Variants in POSTN observed in about 807,000 individuals in gnomAD.
POSTN encodes periostin.
POSTN carries 71 observed loss-of-function variants against 104.5 expected under a neutral mutation model. The ratio of observed to expected loss-of-function variants is 0.68; its 90% CI spans 0.56 to 0.83. The LOEUF is 0.83. POSTN is among the 40% of genes least tolerant of loss of function. The pLI is 0.00. For missense variants in POSTN, 949 were observed against 1,006.8 expected, an observed-to-expected ratio of 0.94 and a Z score of 0.78; for synonymous variants, 355 against 340.7, an observed-to-expected ratio of 1.04 and a Z score of -0.46.
rs1174224201 is a variant in POSTN at position 37,575,239 on chromosome 13, G to A, written c.2009-587C>T. On this transcript the variant is annotated intron_variant, in intron 16 of 22. Transcript: ENST00000379747. ...GATATGATCAGTATTTAAGTTATAG[G>A]CTAAAATGTCTTTAATTTTCAGCTT... Among the ~76,000 whole-genome samples the A allele has an allele frequency of 2.6e-5, 4 of 151,292 alleles. No homozygotes were observed. The East Asian group carries it at 5.8e-4, about 22-fold the overall frequency.
At chr13:37,569,199 TTA>T (rs200515217) in intron 21 of POSTN, 99 bp downstream of exon 21, 1 of 755,852 alleles carries the variant, frequency 1.3e-6, no homozygotes, top group African/African-American at 1.8e-5. Flanking sequence ...TTTTTTTTTT[TTA>T]ACCCAATTAA....
At chr13:37,597,495 T>A (rs1951119001) in intron 1 of POSTN, among the ~76,000 whole-genome samples, 1 of 151,914 alleles carries the variant, frequency 6.6e-6, no homozygotes, top group South Asian at 2.1e-4. Context: ...GAGAGAAAAA[T>A]TATACATTTC....
Position 37,569,832 on chromosome 13 carries a change from G to A in POSTN, c.2270-11C>T. Reference sequence around the variant, plus strand: ...ATTTTATTTCAGGACCTATGAGAAGGACAATGAAAAAGGTCTAAAACAGAA... The same window carrying A: ...ATTTTATTTCAGGACCTATGAGAAGAACAATGAAAAAGGTCTAAAACAGAA... On this transcript the variant is annotated splice_polypyrimidine_tract_variant and intron_variant, in intron 19 of 22. Transcript: ENST00000379747. 6.4e-7 allele frequency: 1 copy of A among 1,574,498 alleles called. No individual in the cohort carries two copies. The highest frequency in any genetic ancestry group is 8.7e-7 in the Non-Finnish European group (1 of 1,149,050).
chr13:37,571,604 C>G, intron 17 of POSTN, 146 bp from the exon 18 acceptor site: 1 of 544,672 alleles, frequency 1.8e-6, no homozygotes. Context: ...TTAAATATTT[C>G]CCATTGTCTT....
At chr13:37,569,588 A>G (rs773356513) in intron 20 of POSTN, 156 bp downstream of exon 20, 114 of 812,876 alleles carry the variant, frequency 1.4e-4, no homozygotes, top group Non-Finnish European at 1.9e-4. Flanking sequence ...TATGACTGCC[A>G]TTTATGCTTA....
intron 2 of POSTN, among the ~76,000 whole-genome samples, chr13:37,592,789 T>C (rs545528248): frequency 1.3e-5 from 2 of 152,272 alleles, no homozygotes; most frequent in South Asian, 2.1e-4. Context: ...ATGAATATAG[T>C]AGCTATAATA....
intron 4 of POSTN, among the ~76,000 whole-genome samples, chr13:37,589,146 A>G (rs1200621078): frequency 6.6e-6 from 1 of 152,164 alleles, no homozygotes; most frequent in African/African-American, 2.4e-5. Context: ...AAAGATGCAG[A>G]TGGTATATCC....
At chr13:37,584,177 T>C in intron 8 of POSTN, 74 bp from the exon 9 acceptor site, 20 of 1,542,836 alleles carry the variant, frequency 1.3e-5, no homozygotes, top group Non-Finnish European at 1.8e-5. Flanking sequence ...AGTAAATCAA[T>C]TCCTGACTCT....
chr13:37,580,807 GGT>G, intron 10 of POSTN, 110 bp from the exon 11 acceptor site: 1 of 1,333,420 alleles, frequency 7.5e-7, no homozygotes, highest in Non-Finnish European at 1.0e-6. Context: ...GAGGTTGCCT[GGT>G]GTCTGAGGCC....
At chr13:37,596,507 T>C (rs1260797054) in intron 2 of POSTN, among the ~76,000 whole-genome samples, 2 of 152,210 alleles carry the variant, frequency 1.3e-5, no homozygotes, top group African/African-American at 4.8e-5. Flanking sequence ...AATAATGCTT[T>C]CAAATTTTAA....
rs1182182999 is a variant in POSTN, at chr13:37,570,836, T to C, written c.2180-167A>G. 13 of 553,206 alleles carry C rather than the reference T, an allele frequency of 2.3e-5. No homozygotes were observed. In the East Asian group the frequency reaches 3.9e-4, roughly 16 times the overall value. 34.3% of individuals were successfully genotyped at this position (553,206 alleles called of 1,614,324 possible). Reference sequence around the variant, plus strand: ...CCCCCAAAAATCATATCAATAGGGATCTAAAAGGTAATAGCTATGTCCTGA... The same window carrying C: ...CCCCCAAAAATCATATCAATAGGGACCTAAAAGGTAATAGCTATGTCCTGA... On this transcript the variant is annotated intron_variant, in intron 18 of 22. Coordinates refer to ENST00000379747, the MANE Select transcript of POSTN (RefSeq NM_006475.3).
At chr13:37,591,050 AC>A (rs1298796767) in intron 3 of POSTN, among the ~76,000 whole-genome samples, 1 of 152,134 alleles carries the variant, frequency 6.6e-6, no homozygotes, top group Non-Finnish European at 1.5e-5. Context: ...ATTTTTTCTG[AC>A]CCTATTTATT....
chr13:37,578,977 A>T (rs1484410181), intron 14 of POSTN, 42 bp downstream of exon 14: 8 of 1,594,108 alleles, frequency 5.0e-6, no homozygotes, highest in Non-Finnish European at 6.8e-6. Context: ...GGTTCATATT[A>T]AAAAAAGACT....
chr13:37,575,404 C>T (rs954086707), intron 16 of POSTN, among the ~76,000 whole-genome samples: 2 of 151,770 alleles, frequency 1.3e-5, no homozygotes, highest in Non-Finnish European at 2.9e-5. Flanking sequence ...GCCTAAACCC[C>T]AGCATTACTC....
At chr13:37,575,672 T>C (rs1236923225) in intron 16 of POSTN, among the ~76,000 whole-genome samples, 3 of 151,968 alleles carry the variant, frequency 2.0e-5, no homozygotes, top group Non-Finnish European at 4.4e-5. Flanking sequence ...GCAGTAGAGG[T>C]GAGATGTTAG....
chr13:37,592,962 A>G lies in POSTN; in HGVS notation c.219-798T>C, dbSNP rs187918701. Among the ~76,000 whole-genome samples, 503 of 152,160 alleles carry G rather than the reference A, an allele frequency of 3.3e-3. 11 individuals are homozygous for G. The highest frequency in any genetic ancestry group is 0.029 in the Admixed American group (438 of 15,272). On this transcript the variant is annotated intron_variant, in intron 2 of 22. Coordinates refer to ENST00000379747, the MANE Select transcript of POSTN (RefSeq NM_006475.3). ...TGCTATCTCATTGCTAGATAAAATA[A>G]TGCCATATTTGGTTTGAATTGTTGG...
intron 9 of POSTN, among the ~76,000 whole-genome samples, chr13:37,583,218 A>G (rs919898959): frequency 6.6e-6 from 1 of 152,142 alleles, no homozygotes; most frequent in Admixed American, 6.5e-5. Flanking sequence ...ATTTTACATC[A>G]TGATATGGAA....
In POSTN at chr13:37,592,092, G is replaced by A. The variant is rs753873946; in HGVS notation, c.283+8C>T. The A allele has an allele frequency of 8.1e-5, 130 of 1,595,468 alleles. No homozygotes were observed. The highest frequency in any genetic ancestry group is 1.2e-4 in the Admixed American group (7 of 59,788). On this transcript the variant is annotated splice_region_variant and intron_variant, in intron 3 of 22. Coordinates refer to ENST00000379747, the MANE Select transcript of POSTN (RefSeq NM_006475.3). ...TTCCTTATTTAATTCAAAAAATTGAGATTTTACCTGCTGGGCAGCCTTTCA... is the reference window on the plus strand; with the variant it reads ...TTCCTTATTTAATTCAAAAAATTGAAATTTTACCTGCTGGGCAGCCTTTCA...
In POSTN at chr13:37,584,878, T is replaced by A. The variant is rs766236592; in HGVS notation, c.946A>T (p.Met316Leu). 1 of 1,613,886 alleles carries A rather than the reference T, an allele frequency of 6.2e-7. No homozygotes were observed. Among genetic ancestry groups the A allele is most frequent in the South Asian group, 1.1e-5 (1 of 91,080 alleles). ...LNTLQCSESI[M>L]GGAVFETLEG... The stretch of plus-strand genomic sequence containing the variant: ...AGCGTCTCAAAGACTGCTCCTCCCA[T>A]AATAGACTCAGAACACTGGAGAGTA... The change falls in exon 8 of 23, where the codon ATG (methionine) becomes TTG (leucine). Residue 316 changes from methionine to leucine, a missense_variant. Transcript: ENST00000379747.
Sources: allele counts gnomAD v4.1 joint callset (sites outside exome capture counted in the v4.1 genomes callset), GRCh38; gene constraint gnomAD v4.1.1; transcripts MANE v1.5; gene names NCBI Gene and HGNC (gene_info 2026-07-23, HGNC 2026-07-21).